FLVCR2: variants seen among roughly 807,000 people sequenced by gnomAD.
The protein encoded by FLVCR2 is FLVCR choline and putative heme transporter 2.
A neutral mutation model predicts 48.9 loss-of-function variants in FLVCR2; 38 were observed. The ratio of observed to expected loss-of-function variants is 0.78; its 90% CI spans 0.60 to 1.02. The LOEUF (loss-of-function observed/expected upper bound fraction) is 1.02. Ranked by LOEUF, FLVCR2 falls within the 50% of genes least tolerant of loss-of-function variation. The pLI, the probability that FLVCR2 is intolerant of heterozygous loss-of-function variation, is 0.00. For missense variants in FLVCR2, 664 were observed against 663.3 expected (o/e 1.00, Z -0.01); for synonymous variants, 255 against 257.0 (o/e 0.99, Z 0.07).
chr14:75,608,239 C>A (rs1328869401), intron 1 of FLVCR2, among the ~76,000 whole-genome samples: 1 of 152,166 alleles, frequency 6.6e-6, no homozygotes, highest in Non-Finnish European at 1.5e-5. Flanking sequence ...TCATCCTTAC[C>A]GTAGGAGACT....
Position 75,615,219 on chromosome 14 carries a change from C to T in FLVCR2, c.670-6860C>T, listed in dbSNP as rs140596043. ...TTGCCTGGGAGAAAGGCAGAAAGGT[C>T]CGAAGTGGGACAGGGCAGATTCAAA... On this transcript the variant is annotated intron_variant, in intron 1 of 9. Transcript: ENST00000238667. Among the ~76,000 whole-genome samples the T allele has an allele frequency of 3.5e-4, 53 of 152,236 alleles. 1 individual carries two copies. Among genetic ancestry groups the T allele is most frequent in the African/African-American group, 1.2e-3 (51 of 41,540 alleles).
At chr14:75,634,352 T>C (rs1242887762) in intron 4 of FLVCR2, among the ~76,000 whole-genome samples, 1 of 152,162 alleles carries the variant, frequency 6.6e-6, no homozygotes, top group African/African-American at 2.4e-5. Context: ...TTAATTTCAT[T>C]GTGCCTGTTT....
intron 1 of FLVCR2, among the ~76,000 whole-genome samples, chr14:75,597,071 CA>C (rs1295053016): frequency 6.6e-6 from 1 of 151,996 alleles, no homozygotes; most frequent in Non-Finnish European, 1.5e-5. Context: ...TGCTTGAGCC[CA>C]GGAGTTTGAG....
chr14:75,592,236 T>A (rs1442852460), intron 1 of FLVCR2, among the ~76,000 whole-genome samples: 1 of 152,064 alleles, frequency 6.6e-6, no homozygotes, highest in East Asian at 1.9e-4. Context: ...TGGACATGGA[T>A]GCCACCAAGA....
chr14:75,603,326 G>C (rs117068570), intron 1 of FLVCR2, among the ~76,000 whole-genome samples: 1 of 152,346 alleles, frequency 6.6e-6, no homozygotes, highest in Non-Finnish European at 1.5e-5. Flanking sequence ...ACAGAGAGCA[G>C]AGAAGGGGAG....
At chr14:75,627,181 A>G (rs1037982836) in intron 3 of FLVCR2, among the ~76,000 whole-genome samples, 14 of 151,934 alleles carry the variant, frequency 9.2e-5, no homozygotes, top group African/African-American at 3.4e-4. Flanking sequence ...TTAATCTGAC[A>G]AAGTAGTTTT....
chr14:75,641,715 C>T (rs899787668), intron 8 of FLVCR2, 128 bp from the exon 9 acceptor site: 29 of 866,580 alleles, frequency 3.3e-5, no homozygotes, highest in Non-Finnish European at 5.0e-5. Context: ...CCCTCAGTCA[C>T]CAGCTCTCTT....
intron 1 of FLVCR2, among the ~76,000 whole-genome samples, chr14:75,602,595 CA>C (rs1016474371): frequency 6.6e-6 from 1 of 152,062 alleles, no homozygotes; most frequent in Non-Finnish European, 1.5e-5. Context: ...GGACAAAGAC[CA>C]AATAATATTT....
At chr14:75,597,001 A>G (rs4903332) in intron 1 of FLVCR2, among the ~76,000 whole-genome samples, 65,743 of 152,008 alleles carry the variant, frequency 0.43, 19,882 homozygotes, top group African/African-American at 0.84. Flanking sequence ...CAGTTTGAAC[A>G]TCAGGCATGG....
At chr14:75,599,873 A>C (rs945757675) in intron 1 of FLVCR2, among the ~76,000 whole-genome samples, 6 of 152,222 alleles carry the variant, frequency 3.9e-5, no homozygotes, top group African/African-American at 1.4e-4. Context: ...CAGTCTTTTC[A>C]ATAAGGGGTG....
In FLVCR2 at chr14:75,638,908, T is replaced by C. The variant is rs142392371; in HGVS notation, c.1125-444T>C. Among the ~76,000 whole-genome samples the C allele has an allele frequency of 4.1e-3, 627 of 152,290 alleles. 5 individuals carry two copies. The highest frequency in any genetic ancestry group is 0.011 in the African/African-American group (470 of 41,566). ...TCACCCTCATGGAGAGAAAGTTCTA[T>C]GAAAGAAAATGTCCAAGAACAAGGC... On this transcript the variant is annotated intron_variant, in intron 5 of 9. Transcript: ENST00000238667.
intron 1 of FLVCR2, among the ~76,000 whole-genome samples, chr14:75,598,104 C>A (rs1478536004): frequency 6.6e-6 from 1 of 151,940 alleles, no homozygotes; most frequent in African/African-American, 2.4e-5. Flanking sequence ...CTCAGCCTTC[C>A]ACAGTGCTGG....
In FLVCR2 at chr14:75,607,796, G is replaced by A. The variant is rs141986764; in HGVS notation, c.670-14283G>A. The stretch of plus-strand genomic sequence containing the variant: ...TGAACTCAAAAAAAAAGGGGGGCTC[G>A]GTGTGGTGGTTCACACCTGTAATCC... On this transcript the variant is annotated intron_variant, in intron 1 of 9. Coordinates refer to ENST00000238667, the MANE Select transcript of FLVCR2 (RefSeq NM_017791.3). 5.5e-4 allele frequency among the ~76,000 whole-genome samples: 84 copies of A among 152,214 alleles called. No individual in the cohort carries two copies. In the East Asian group the frequency reaches 0.012, roughly 22 times the overall value.
intron 1 of FLVCR2, among the ~76,000 whole-genome samples, chr14:75,618,615 G>A (rs772505470): frequency 3.3e-5 from 5 of 152,174 alleles, no homozygotes; most frequent in African/African-American, 4.8e-5. Context: ...GATGCCAAAT[G>A]CTCCATGTGC....
At chr14:75,605,656 C>A in intron 1 of FLVCR2, 3 of 1,532,542 alleles carry the variant, frequency 2.0e-6, no homozygotes, top group Non-Finnish European at 2.6e-6. Flanking sequence ...TTCCCAACTT[C>A]TTTGGGTTCA....
rs778071794 is a variant in FLVCR2 at position 75,647,708 on chromosome 14, T to C, written c.*1236T>C. On this transcript the variant is annotated 3_prime_UTR_variant, in exon 10 of 10. Coordinates refer to ENST00000238667, the MANE Select transcript of FLVCR2 (RefSeq NM_017791.3). ...ACTCATGGGCTTTGGTAATATCTCC[T>C]AAAAATGAGGTTTTGGTAATTTTTC... The C allele has an allele frequency of 6.5e-6, 1 of 152,734 alleles. No homozygotes were observed. Among genetic ancestry groups the C allele is most frequent in the Non-Finnish European group, 1.5e-5 (1 of 68,092 alleles). The allele number at this position is 152,734 out of a possible 1,614,324, so 9.5% of individuals were successfully genotyped here. A position where few individuals can be genotyped will look rare whatever the true frequency, so the allele number is the denominator to read the frequency against.
intron 3 of FLVCR2, among the ~76,000 whole-genome samples, chr14:75,628,021 G>A (rs748140526): frequency 6.6e-6 from 1 of 152,100 alleles, no homozygotes; most frequent in Non-Finnish European, 1.5e-5. Flanking sequence ...TTAGCTTCTT[G>A]CCTATAGGGC....
At chr14:75,607,810 C>T (rs1348101516) in intron 1 of FLVCR2, among the ~76,000 whole-genome samples, 2 of 152,018 alleles carry the variant, frequency 1.3e-5, no homozygotes, top group East Asian at 3.8e-4. Context: ...TGGTGGTTCA[C>T]ACCTGTAATC....
Position 75,579,385 on chromosome 14 carries a change from T to G in FLVCR2, c.413T>G (p.Leu138Arg). Residue 138 changes from leucine to arginine, a missense_variant, in exon 1 of 10, where the codon CTC (leucine) becomes CGC (arginine). By Grantham distance (102) the Leu-to-Arg change is moderately radical (BLOSUM62 -2). Transcript: ENST00000238667. Reference sequence around the variant, plus strand: ...TACATGCTGACTTACATCCCTCTGCTCCTGCCAGTGGCTTGGCTGCTGGAG... The same window carrying G: ...TACATGCTGACTTACATCCCTCTGCGCCTGCCAGTGGCTTGGCTGCTGGAG... ...MCYMLTYIPL[L>R]LPVAWLLEKF... The G allele has an allele frequency of 6.2e-7, 1 of 1,614,154 alleles. No homozygotes were observed. The highest frequency in any genetic ancestry group is 8.5e-7 in the Non-Finnish European group (1 of 1,180,032).
Sources: allele counts gnomAD v4.1 joint callset (sites outside exome capture counted in the v4.1 genomes callset), GRCh38; gene constraint gnomAD v4.1.1; transcripts MANE v1.5; gene names NCBI Gene and HGNC (gene_info 2026-07-23, HGNC 2026-07-21).